GALNTL6: variants seen among roughly 807,000 people sequenced by gnomAD.
GALNTL6 encodes the protein polypeptide N-acetylgalactosaminyltransferase like 6.
Under a neutral mutation model 73.7 loss-of-function variants are expected in GALNTL6, and 46 were observed. That is an observed-to-expected ratio of 0.62 (90% CI 0.49 to 0.80). The LOEUF (loss-of-function observed/expected upper bound fraction) is 0.80. GALNTL6 is among the 30% of genes least tolerant of loss of function. GALNTL6 has a pLI of 0.00. For synonymous variants in GALNTL6, 259 were observed against 263.7 expected (o/e 0.98, Z 0.17); for missense variants, 604 against 755.0 (o/e 0.80, Z 2.34).
chr4:172,748,971 A>T (rs1008410661), intron 5 of GALNTL6, among the ~76,000 whole-genome samples: 7 of 151,890 alleles, frequency 4.6e-5, no homozygotes, highest in Admixed American at 2.0e-4. Flanking sequence ...GTGCAGTGGC[A>T]TGATCTTGGC....
chr4:172,035,452 G>GACT (rs1741904299), intron 2 of GALNTL6, among the ~76,000 whole-genome samples: 1 of 141,856 alleles, frequency 7.0e-6, no homozygotes, highest in African/African-American at 2.6e-5. Flanking sequence ...AAAGGCTTTA[G>GACT]AATCTATTGA....
chr4:171,988,855 A>G (rs529640729), intron 2 of GALNTL6, among the ~76,000 whole-genome samples: 1 of 152,118 alleles, frequency 6.6e-6, no homozygotes, highest in East Asian at 1.9e-4. Flanking sequence ...GAGGGAGTAG[A>G]GGTGTCTTAT....
intron 11 of GALNTL6, among the ~76,000 whole-genome samples, chr4:173,015,129 T>C (rs1474967200): frequency 6.6e-6 from 1 of 152,226 alleles, no homozygotes; most frequent in African/African-American, 2.4e-5. Context: ...GCCATGATTG[T>C]AAGTTTCCTG....
intron 2 of GALNTL6, among the ~76,000 whole-genome samples, chr4:172,113,630 T>C (rs1174071586): frequency 2.0e-5 from 3 of 152,098 alleles, no homozygotes; most frequent in Non-Finnish European, 2.9e-5. Context: ...GACATGTTTA[T>C]ACAGCTTGAG....
chr4:171,928,092 TA>T lies in GALNTL6; in HGVS notation c.138+113378del, dbSNP rs1738043308. Reference sequence around the variant, plus strand: ...ATGAAGAATCTACTCTTAAGTGCCATAAAATTATTTTAACTATGTTTTTTCA... The same window carrying T: ...ATGAAGAATCTACTCTTAAGTGCCATAAATTATTTTAACTATGTTTTTTCA... On this transcript the variant is annotated intron_variant, in intron 2 of 12. Transcript: ENST00000506823. 2.6e-5 allele frequency among the ~76,000 whole-genome samples: 4 copies of T among 152,328 alleles called. No individual in the cohort carries two copies. The South Asian group carries it at 8.3e-4, about 32-fold the overall frequency.
intron 2 of GALNTL6, among the ~76,000 whole-genome samples, chr4:172,031,394 A>C (rs1214270999): frequency 6.6e-6 from 1 of 152,180 alleles, no homozygotes; most frequent in East Asian, 1.9e-4. Flanking sequence ...AAAAGGTTTT[A>C]GAATAAACTT....
chr4:173,021,158 T>A (rs943644757), intron 11 of GALNTL6, among the ~76,000 whole-genome samples: 3 of 152,168 alleles, frequency 2.0e-5, no homozygotes, highest in African/African-American at 7.2e-5. Flanking sequence ...GTCCTCTTAC[T>A]CGTTCTCCTT....
At chr4:172,698,419 C>T (rs1437829) in intron 5 of GALNTL6, among the ~76,000 whole-genome samples, 1 of 152,084 alleles carries the variant, frequency 6.6e-6, no homozygotes, top group Non-Finnish European at 1.5e-5. Flanking sequence ...AGCTTCCTTC[C>T]GCTGAGATCC....
At chr4:171,816,095 A>C (rs1734517755) in intron 2 of GALNTL6, 1 of 152,160 alleles carries the variant, frequency 6.6e-6, no homozygotes, top group Non-Finnish European at 1.5e-5. Context: ...TATTTACATC[A>C]TTCAACCCTT....
At chr4:172,606,640 AC>A (rs1453251313) in intron 5 of GALNTL6, among the ~76,000 whole-genome samples, 3 of 40,816 alleles carry the variant, frequency 7.4e-5, no homozygotes, top group African/African-American at 1.1e-4. Flanking sequence ...CTATATATAT[AC>A]TATATATATA....
intron 2 of GALNTL6, among the ~76,000 whole-genome samples, chr4:172,087,529 T>G (rs562612109): frequency 6.6e-6 from 1 of 151,454 alleles, no homozygotes; most frequent in Non-Finnish European, 1.5e-5. Flanking sequence ...TATATAGTAA[T>G]AATGTTCCGT....
In GALNTL6 at chr4:172,311,785, T is replaced by A. The variant is rs181699236; in HGVS notation, c.386+33T>A. 9.9e-5 allele frequency: 141 copies of A among 1,428,060 alleles called. No individual in the cohort carries two copies. The African/African-American group carries it at 1.9e-3, about 19-fold the overall frequency. 88.5% of individuals were successfully genotyped at this position (1,428,060 alleles called of 1,614,324 possible). On this transcript the variant is annotated intron_variant, in intron 4 of 12. Transcript: ENST00000506823. Reference sequence around the variant, plus strand: ...TCAGCATATCAGTGATCAGGGTGGGTTTTTTTGGTTTTTTTTGTCCTTTGA... The same window carrying A: ...TCAGCATATCAGTGATCAGGGTGGGATTTTTTGGTTTTTTTTGTCCTTTGA...
chr4:171,890,069 G>A (rs1736719232), intron 2 of GALNTL6, among the ~76,000 whole-genome samples: 1 of 152,052 alleles, frequency 6.6e-6, no homozygotes, highest in Admixed American at 6.6e-5. Context: ...TAAAATTATA[G>A]AAAGGCAGAA....
At chr4:172,996,817 C>A (rs1413271380) in intron 10 of GALNTL6, among the ~76,000 whole-genome samples, 1 of 147,590 alleles carries the variant, frequency 6.8e-6, no homozygotes, top group East Asian at 2.0e-4. Flanking sequence ...CACCACTCTT[C>A]TGCCATTTTC....
At chr4:172,587,937 T>C (rs956577991) in intron 5 of GALNTL6, among the ~76,000 whole-genome samples, 38 of 152,244 alleles carry the variant, frequency 2.5e-4, no homozygotes, top group African/African-American at 8.9e-4. Context: ...TTTTCTATTT[T>C]CCTGCAGATC....
At chr4:172,495,290 C>T (rs150073857) in intron 5 of GALNTL6, among the ~76,000 whole-genome samples, 207 of 152,248 alleles carry the variant, frequency 1.4e-3, no homozygotes, top group African/African-American at 4.6e-3. Context: ...CAAGTACCAT[C>T]GGTCAAGAGG....
At chr4:171,940,559 T>A (rs72696971) in intron 2 of GALNTL6, among the ~76,000 whole-genome samples, 1 of 152,034 alleles carries the variant, frequency 6.6e-6, no homozygotes, top group Non-Finnish European at 1.5e-5. Flanking sequence ...CAGTGGCTCA[T>A]GCCTGTGATT....
At chr4:172,334,109 C>T (rs1403937710) in intron 4 of GALNTL6, among the ~76,000 whole-genome samples, 1 of 152,024 alleles carries the variant, frequency 6.6e-6, no homozygotes, top group Non-Finnish European at 1.5e-5. Context: ...GGTTACTACA[C>T]TTTACTCTAC....
chr4:172,110,658 C>G (rs1732825247), intron 2 of GALNTL6, among the ~76,000 whole-genome samples: 1 of 152,092 alleles, frequency 6.6e-6, no homozygotes, highest in South Asian at 2.1e-4. Context: ...AGAACAGACT[C>G]CAGATTACTA....
Sources: allele counts gnomAD v4.1 joint callset (sites outside exome capture counted in the v4.1 genomes callset), GRCh38; gene constraint gnomAD v4.1.1; transcripts MANE v1.5; gene names NCBI Gene and HGNC (gene_info 2026-07-23, HGNC 2026-07-21).